The following ATP11A variants were observed in gnomAD, a reference collection of about 807,000 sequenced individuals.
ATP11A encodes the protein phospholipid-transporting ATPase IH.
ATP11A carries 81 observed loss-of-function variants against 154.4 expected under a neutral mutation model. The ratio of observed to expected loss-of-function variants is 0.52; its 90% CI spans 0.44 to 0.63. The LOEUF (loss-of-function observed/expected upper bound fraction) is 0.63. Ranked by LOEUF, ATP11A falls within the 30% of genes least tolerant of loss-of-function variation. The pLI, the probability that ATP11A is intolerant of heterozygous loss-of-function variation, is 0.00. For missense variants in ATP11A, 1,316 were observed against 1,474.3 expected, an observed-to-expected ratio of 0.89 and a Z score of 1.76; for synonymous variants, 623 against 585.9, an observed-to-expected ratio of 1.06 and a Z score of -0.91.
intron 1 of ATP11A, among the ~76,000 whole-genome samples, chr13:112,725,968 C>T (rs1889828464): frequency 6.6e-6 from 1 of 152,244 alleles, no homozygotes; most frequent in South Asian, 2.1e-4. Flanking sequence ...AGCGGTGGCC[C>T]TGGGGCCTGC....
intron 1 of ATP11A, among the ~76,000 whole-genome samples, chr13:112,727,035 A>G (rs184698215): frequency 1.8e-4 from 28 of 152,300 alleles, no homozygotes; most frequent in Middle Eastern, 3.4e-3. Flanking sequence ...GTAAATCTGA[A>G]CGCTGCTGCT....
At chr13:112,796,312 T>G (rs779462158) in intron 2 of ATP11A, among the ~76,000 whole-genome samples, 20 of 152,216 alleles carry the variant, frequency 1.3e-4, no homozygotes, top group Non-Finnish European at 2.9e-4. Context: ...CCCCAGAACC[T>G]CTGACTATGA....
chr13:112,814,653 A>T (rs989829883), intron 5 of ATP11A, among the ~76,000 whole-genome samples: 1 of 152,112 alleles, frequency 6.6e-6, no homozygotes, highest in African/African-American at 2.4e-5. Flanking sequence ...ACTCTGTCCC[A>T]GTCAGTTAAA....
intron 2 of ATP11A, among the ~76,000 whole-genome samples, chr13:112,793,734 GA>G (rs2077923117): frequency 6.6e-6 from 1 of 152,242 alleles, no homozygotes; most frequent in South Asian, 2.1e-4. Flanking sequence ...GTGTTCAGGT[GA>G]ACACTAGTTG....
chr13:112,856,086 G>T lies in ATP11A; in HGVS notation c.2418+1G>T. On this transcript the variant is annotated splice_donor_variant, in intron 20 of 29. Coordinates refer to ENST00000375645, the MANE Select transcript of ATP11A (RefSeq NM_015205.3). LOFTEE classifies it high-confidence loss of function. ...CATGGCGCCCTTGCAGAAGGCTCAGGTGCTGCCCGCCCGTCCTCGATAGCT... is the reference window on the plus strand; with the variant it reads ...CATGGCGCCCTTGCAGAAGGCTCAGTTGCTGCCCGCCCGTCCTCGATAGCT... The T allele has an allele frequency of 6.2e-7, 1 of 1,610,862 alleles. No individual in the cohort carries two copies. Among genetic ancestry groups the T allele is most frequent in the Non-Finnish European group, 8.5e-7 (1 of 1,178,650 alleles).
At chr13:112,722,958 C>T (rs1889369990) in intron 1 of ATP11A, among the ~76,000 whole-genome samples, 1 of 151,904 alleles carries the variant, frequency 6.6e-6, no homozygotes, top group South Asian at 2.1e-4. Flanking sequence ...TATTTTTTTT[C>T]AGAGATTCTT....
intron 1 of ATP11A, among the ~76,000 whole-genome samples, chr13:112,743,410 G>C (rs1434925098): frequency 1.4e-5 from 2 of 140,140 alleles, no homozygotes; most frequent in East Asian, 3.9e-4. Context: ...TGTTCCTGCA[G>C]GTTCCTGCTA....
chr13:112,725,238 G>A (rs757232233), intron 1 of ATP11A, among the ~76,000 whole-genome samples: 1 of 152,186 alleles, frequency 6.6e-6, no homozygotes, highest in Non-Finnish European at 1.5e-5. Flanking sequence ...GTAAACCTGT[G>A]ATCATGATAC....
intron 1 of ATP11A, among the ~76,000 whole-genome samples, chr13:112,759,853 A>G (rs1244506219): frequency 6.6e-6 from 1 of 152,206 alleles, no homozygotes; most frequent in East Asian, 1.9e-4. Flanking sequence ...AATTTTTGTA[A>G]ACGCCCTTGG....
intron 1 of ATP11A, among the ~76,000 whole-genome samples, chr13:112,738,409 T>C (rs1463249637): frequency 6.6e-6 from 1 of 152,084 alleles, no homozygotes; most frequent in Non-Finnish European, 1.5e-5. Context: ...CAACTTAAAG[T>C]GTTAGCGACT....
At chr13:112,729,828 G>C (rs531626658) in intron 1 of ATP11A, among the ~76,000 whole-genome samples, 1 of 152,240 alleles carries the variant, frequency 6.6e-6, no homozygotes. Flanking sequence ...AAAAAAACGC[G>C]CAAACTGTTA....
intron 12 of ATP11A, among the ~76,000 whole-genome samples, chr13:112,830,274 CT>C (rs1381145075): frequency 3.3e-5 from 5 of 152,140 alleles, no homozygotes; most frequent in Non-Finnish European, 7.3e-5. Flanking sequence ...CCATTTTACC[CT>C]TTTAAAAATG....
At chr13:112,743,896 C>G (rs937675299) in intron 1 of ATP11A, among the ~76,000 whole-genome samples, 90 of 152,182 alleles carry the variant, frequency 5.9e-4, no homozygotes, top group Non-Finnish European at 8.4e-4. Flanking sequence ...AGAACTTTAA[C>G]CAGGTCTGAA....
chr13:112,719,643 AACTTCAGGTT>A (rs60414272), intron 1 of ATP11A, among the ~76,000 whole-genome samples: 117,404 of 151,928 alleles, frequency 0.77, 46,615 homozygotes, highest in East Asian at 0.91. Context: ...GCTGATGGTG[AACTTCAGGTT>A]ACTTCAGGTT....
At chr13:112,788,930 T>C (rs1226808110) in intron 2 of ATP11A, among the ~76,000 whole-genome samples, 5 of 145,116 alleles carry the variant, frequency 3.4e-5, no homozygotes, top group South Asian at 2.3e-4. Context: ...GATATGTAGA[T>C]CCCTGTGGAG....
At chr13:112,782,936 G>A (rs574583860) in intron 1 of ATP11A, among the ~76,000 whole-genome samples, 3 of 152,228 alleles carry the variant, frequency 2.0e-5, no homozygotes, top group African/African-American at 7.2e-5. Context: ...TCGGCTCCCC[G>A]TGGAAACACT....
At chr13:112,866,193 G>A (rs966520031) in intron 25 of ATP11A, among the ~76,000 whole-genome samples, 2 of 152,154 alleles carry the variant, frequency 1.3e-5, no homozygotes, top group East Asian at 1.9e-4. Flanking sequence ...TGGGTTTGTC[G>A]TTTCTCTGTG....
At position 112,690,991 on chromosome 13, in the gene ATP11A, A is replaced by AT. The variant is rs1335873220; in HGVS notation, c.39+542dup. Among the ~76,000 whole-genome samples, 2 of 152,110 alleles carry AT rather than the reference A, an allele frequency of 1.3e-5. No homozygotes were observed. The highest frequency in any genetic ancestry group is 4.8e-5 in the African/African-American group (2 of 41,434). On this transcript the variant is annotated intron_variant, in intron 1 of 29. Transcript: ENST00000375645. The surrounding 1 kb of genome is among the most constrained non-coding windows in gnomAD (Gnocchi z 5.6). The stretch of plus-strand genomic sequence containing the variant: ...CAGAAGCGGAGTTTGGAATCTTTTT[A>AT]TTTTTTACCTTAAAGTAACCAATTA...
chr13:112,778,301 T>C (rs1462818989), intron 1 of ATP11A, among the ~76,000 whole-genome samples: 1 of 152,204 alleles, frequency 6.6e-6, no homozygotes, highest in African/African-American at 2.4e-5. Context: ...GAGGAGGTCG[T>C]CCAGGTCAGC....
Sources: allele counts gnomAD v4.1 joint callset (sites outside exome capture counted in the v4.1 genomes callset), GRCh38; gene constraint gnomAD v4.1.1; non-coding constraint Gnocchi (gnomAD v3.1); transcripts MANE v1.5; gene names NCBI Gene and HGNC (gene_info 2026-07-23, HGNC 2026-07-21).